The following INTS9 variants were observed in gnomAD, a reference collection of about 807,000 sequenced individuals.
INTS9 encodes the protein protein related to CPSF subunits of 74 kDa.
A neutral mutation model predicts 79.7 loss-of-function variants in INTS9; 55 were observed. That is an observed-to-expected ratio of 0.69 (90% CI 0.56 to 0.86). The LOEUF is 0.86. Among genes scored for constraint, INTS9 ranks in the 40% least tolerant of loss-of-function variants. The pLI is 0.00. For synonymous variants in INTS9, 319 were observed against 325.2 expected (o/e 0.98, Z 0.20); for missense variants, 721 against 831.5 (o/e 0.87, Z 1.64).
At chr8:28,781,636 A>G (rs1409504472) in intron 11 of INTS9, among the ~76,000 whole-genome samples, 1 of 152,208 alleles carries the variant, frequency 6.6e-6, no homozygotes, top group Non-Finnish European at 1.5e-5. Flanking sequence ...CCAAGCTACG[A>G]AAAGACATGA....
chr8:28,882,349 A>T (rs1425630162), intron 1 of INTS9, among the ~76,000 whole-genome samples: 2 of 142,490 alleles, frequency 1.4e-5, no homozygotes, highest in African/African-American at 5.0e-5. Context: ...TCCTCTGCCT[A>T]GGAAAACCAG....
At chr8:28,816,317 A>G (rs1585403925) in intron 6 of INTS9, among the ~76,000 whole-genome samples, 1 of 94,554 alleles carries the variant, frequency 1.1e-5, no homozygotes, top group African/African-American at 4.3e-5. Context: ...CCCCACCCAC[A>G]ACAGTCCCCA....
intron 4 of INTS9, among the ~76,000 whole-genome samples, chr8:28,843,751 A>G (rs938543560): frequency 2.7e-5 from 4 of 150,172 alleles, no homozygotes; most frequent in African/African-American, 7.4e-5. Flanking sequence ...TTTTTAAACA[A>G]TGGTCCTTTT....
intron 6 of INTS9, among the ~76,000 whole-genome samples, chr8:28,834,665 G>T (rs1184144315): frequency 1.3e-5 from 2 of 149,790 alleles, no homozygotes; most frequent in African/African-American, 2.5e-5. Flanking sequence ...CAGCACTGGG[G>T]GCAAACATCT....
rs116822683 is a variant in INTS9 at position 28,785,579 on chromosome 8, C to G, written c.1098+2250G>C. Among the ~76,000 whole-genome samples the G allele has an allele frequency of 2.8e-3, 434 of 152,334 alleles. 4 individuals carry two copies. The highest frequency in any genetic ancestry group is 9.8e-3 in the African/African-American group (406 of 41,566). The stretch of plus-strand genomic sequence containing the variant: ...GCTTCTGACATGTCCCCATCTTTCT[C>G]TGAGCATACAGCAAGATCTTACAGC... On this transcript the variant is annotated intron_variant, in intron 11 of 16. Coordinates refer to ENST00000521022, the MANE Select transcript of INTS9 (RefSeq NM_018250.4).
chr8:28,795,724 G>T (rs1276031922), intron 9 of INTS9, among the ~76,000 whole-genome samples: 1 of 150,644 alleles, frequency 6.6e-6, no homozygotes, highest in Non-Finnish European at 1.5e-5. Flanking sequence ...ACTGCAAGAT[G>T]GCAATCATCT....
At chr8:28,796,057 C>T (rs982029377) in intron 9 of INTS9, among the ~76,000 whole-genome samples, 13 of 152,332 alleles carry the variant, frequency 8.5e-5, no homozygotes, top group Middle Eastern at 3.4e-3. Flanking sequence ...TGCCGGAAAT[C>T]CCAGCATTTT....
rs373760814 is a variant in INTS9 at position 28,772,924 on chromosome 8, G to C, written c.1564-1844C>G. Among the ~76,000 whole-genome samples, 9 of 152,358 alleles carry C rather than the reference G, an allele frequency of 5.9e-5. No individual in the cohort carries two copies. The East Asian group carries it at 1.3e-3, about 23-fold the overall frequency. On this transcript the variant is annotated intron_variant, in intron 14 of 16. Transcript: ENST00000521022. Reference sequence around the variant, plus strand: ...TAAAAAAGGACAACATTCAATATTAGCAAGGAGGCAGAAGTAAGAGCTGTC... The same window carrying C: ...TAAAAAAGGACAACATTCAATATTACCAAGGAGGCAGAAGTAAGAGCTGTC...
intron 1 of INTS9, among the ~76,000 whole-genome samples, chr8:28,877,665 G>A (rs1459225472): frequency 6.6e-6 from 1 of 152,164 alleles, no homozygotes; most frequent in African/African-American, 2.4e-5. Context: ...AGTTTGGTTA[G>A]ATAAATTATG....
chr8:28,824,720 T>C (rs1192231841), intron 6 of INTS9, among the ~76,000 whole-genome samples: 1 of 152,174 alleles, frequency 6.6e-6, no homozygotes, highest in African/African-American at 2.4e-5. Context: ...CACGACTGCC[T>C]GCTTTGAGGA....
At chr8:28,802,936 C>T (rs1349487620) in intron 8 of INTS9, among the ~76,000 whole-genome samples, 1 of 149,956 alleles carries the variant, frequency 6.7e-6, no homozygotes, top group East Asian at 2.0e-4. Context: ...ATGGTAAAAC[C>T]CCGTTTCTAC....
chr8:28,876,062 GA>G (rs1414431978), intron 1 of INTS9, among the ~76,000 whole-genome samples: 2 of 152,110 alleles, frequency 1.3e-5, no homozygotes, highest in African/African-American at 2.4e-5. Flanking sequence ...TTTCTATGGA[GA>G]TTTTTTTTTG....
chr8:28,783,800 A>G (rs1803433567), intron 11 of INTS9: 1 of 152,166 alleles, frequency 6.6e-6, no homozygotes, highest in South Asian at 2.1e-4. Context: ...TATAAACTAT[A>G]TGGCCAAAAT....
intron 1 of INTS9, among the ~76,000 whole-genome samples, chr8:28,864,335 T>A (rs1808621648): frequency 6.6e-6 from 1 of 152,214 alleles, no homozygotes; most frequent in Non-Finnish European, 1.5e-5. Flanking sequence ...AGACCAATAG[T>A]AACTAAGAAT....
chr8:28,875,708 C>A (rs1461769507), intron 1 of INTS9, among the ~76,000 whole-genome samples: 3 of 152,174 alleles, frequency 2.0e-5, no homozygotes, highest in African/African-American at 7.2e-5. Context: ...TAGGTCCCCA[C>A]TGCCTGTATC....
intron 6 of INTS9, among the ~76,000 whole-genome samples, chr8:28,822,424 T>G (rs761735094): frequency 3.7e-4 from 56 of 152,222 alleles, no homozygotes; most frequent in Non-Finnish European, 3.8e-4. Context: ...CCACCACAAC[T>G]ATTCAACTTA....
chr8:28,817,554 G>A (rs1004022964), intron 6 of INTS9, among the ~76,000 whole-genome samples: 4 of 152,182 alleles, frequency 2.6e-5, no homozygotes, highest in South Asian at 2.1e-4. Flanking sequence ...TTTGGTTACT[G>A]TAGCCTTGCA....
intron 8 of INTS9, among the ~76,000 whole-genome samples, chr8:28,806,329 G>A (rs1460179443): frequency 6.6e-6 from 1 of 152,100 alleles, no homozygotes. Flanking sequence ...AGAAAGCATC[G>A]AAGCATCCTG....
At chr8:28,829,592 G>T (rs1262825927) in intron 6 of INTS9, among the ~76,000 whole-genome samples, 1 of 152,150 alleles carries the variant, frequency 6.6e-6, no homozygotes, top group Non-Finnish European at 1.5e-5. Flanking sequence ...TTAGTTGATA[G>T]TTTTATTAGT....
Sources: gnomAD v4.1 joint callset for allele counts (sites outside exome capture counted in the v4.1 genomes callset) on GRCh38, gnomAD v4.1.1 for gene constraint, MANE v1.5 for transcripts, NCBI Gene and HGNC (gene_info 2026-07-23, HGNC 2026-07-21) for gene names.